Variants in TSPAN5 observed in about 807,000 individuals in gnomAD.
The protein encoded by TSPAN5 is tetraspanin 5.
A neutral mutation model predicts 37.1 loss-of-function variants in TSPAN5; 10 were observed. That is an observed-to-expected ratio of 0.27 (90% CI 0.17 to 0.46). The LOEUF is 0.46. TSPAN5 is among the 20% of genes least tolerant of loss of function. The probability of loss-of-function intolerance (pLI) is 1.00; values close to 1 mark genes in which losing one functional copy is unlikely to be tolerated. For synonymous variants in TSPAN5, 110 were observed against 118.9 expected (o/e 0.93, Z 0.48); for missense variants, 195 against 326.6 (o/e 0.60, Z 3.11).
At chr4:98,556,049 A>G (rs191972402) in intron 1 of TSPAN5, among the ~76,000 whole-genome samples, 4 of 41,102 alleles carry the variant, frequency 9.7e-5, no homozygotes, top group African/African-American at 3.2e-4. Context: ...CCCCACACAC[A>G]CACACACACA....
intron 1 of TSPAN5, among the ~76,000 whole-genome samples, chr4:98,603,995 C>T (rs546177108): frequency 6.1e-4 from 93 of 152,198 alleles, no homozygotes; most frequent in African/African-American, 1.9e-3. Flanking sequence ...TCATTTTGAA[C>T]GACCGCTCTA....
intron 1 of TSPAN5, among the ~76,000 whole-genome samples, chr4:98,638,378 G>A (rs992365000): frequency 6.6e-6 from 1 of 152,154 alleles, no homozygotes; most frequent in African/African-American, 2.4e-5. Context: ...TAAGGGAGCT[G>A]AGATGCTCTG....
chr4:98,624,839 A>G (rs1293718644), intron 1 of TSPAN5, among the ~76,000 whole-genome samples: 1 of 152,234 alleles, frequency 6.6e-6, no homozygotes, highest in Admixed American at 6.5e-5. Context: ...TCAATGTTAC[A>G]TAAGTGATGG....
chr4:98,519,547 A>G (rs1753809070), intron 1 of TSPAN5, among the ~76,000 whole-genome samples: 1 of 152,154 alleles, frequency 6.6e-6, no homozygotes, highest in African/African-American at 2.4e-5. Context: ...AAATGAATGG[A>G]TGAAGGGGAA....
At chr4:98,556,506 T>C (rs769198503) in intron 1 of TSPAN5, among the ~76,000 whole-genome samples, 10 of 152,302 alleles carry the variant, frequency 6.6e-5, no homozygotes, top group Non-Finnish European at 1.0e-4. Context: ...GGAGATTATT[T>C]CAACCCTAAG....
At chr4:98,501,233 C>G (rs1176759125) in intron 2 of TSPAN5, among the ~76,000 whole-genome samples, 1 of 152,146 alleles carries the variant, frequency 6.6e-6, no homozygotes, top group Non-Finnish European at 1.5e-5. Context: ...ATTCTCAAAT[C>G]AGACTTCAGA....
intron 2 of TSPAN5, among the ~76,000 whole-genome samples, chr4:98,491,710 G>A (rs1578943231): frequency 1.3e-5 from 2 of 151,034 alleles, no homozygotes; most frequent in South Asian, 2.1e-4. Flanking sequence ...AGGTGGGGGG[G>A]AACATAATCC....
At chr4:98,570,760 C>T (rs1755100134) in intron 1 of TSPAN5, among the ~76,000 whole-genome samples, 1 of 152,070 alleles carries the variant, frequency 6.6e-6, no homozygotes, top group Admixed American at 6.5e-5. Flanking sequence ...GACCTAAGCC[C>T]TTGACCAGGT....
intron 1 of TSPAN5, among the ~76,000 whole-genome samples, chr4:98,590,291 T>C (rs528243110): frequency 6.6e-6 from 1 of 152,208 alleles, no homozygotes; most frequent in East Asian, 1.9e-4. Context: ...TGAACTCAGG[T>C]TTACCAAGTG....
intron 1 of TSPAN5, among the ~76,000 whole-genome samples, chr4:98,541,395 C>G (rs1373596479): frequency 6.6e-6 from 1 of 152,140 alleles, no homozygotes; most frequent in Admixed American, 6.5e-5. Context: ...GTGGGATAGG[C>G]TGGGCATGGT....
At chr4:98,595,326 CTCTT>C (rs1276368206) in intron 1 of TSPAN5, among the ~76,000 whole-genome samples, 10 of 117,754 alleles carry the variant, frequency 8.5e-5, no homozygotes, top group Non-Finnish European at 1.5e-4. Flanking sequence ...TGATTCTTCT[CTCTT>C]TTTTTATTAG....
At chr4:98,533,559 T>TTTTTTTTTTTTG (rs1754152557) in intron 1 of TSPAN5, among the ~76,000 whole-genome samples, 1 of 121,126 alleles carries the variant, frequency 8.3e-6, no homozygotes, top group Admixed American at 8.6e-5. Flanking sequence ...TTTTTTTTTT[T>TTTTTTTTTTTTG]TTTTTTCTTG....
intron 1 of TSPAN5, among the ~76,000 whole-genome samples, chr4:98,581,517 C>G (rs1032663751): frequency 2.0e-5 from 3 of 152,194 alleles, no homozygotes; most frequent in Non-Finnish European, 4.4e-5. Flanking sequence ...TTATCTCAAT[C>G]TTGACGGCTA....
At chr4:98,626,420 T>A (rs924635856) in intron 1 of TSPAN5, among the ~76,000 whole-genome samples, 1 of 152,192 alleles carries the variant, frequency 6.6e-6, no homozygotes, top group Non-Finnish European at 1.5e-5. Context: ...AAGGCATAAG[T>A]CAGATCATGT....
chr4:98,524,568 G>A (rs1420037278), intron 1 of TSPAN5, among the ~76,000 whole-genome samples: 2 of 152,072 alleles, frequency 1.3e-5, no homozygotes, highest in Non-Finnish European at 2.9e-5. Flanking sequence ...GTCCATGTGA[G>A]CATGACTTTG....
chr4:98,587,275 C>T (rs1755512834), intron 1 of TSPAN5, among the ~76,000 whole-genome samples: 1 of 152,220 alleles, frequency 6.6e-6, no homozygotes, highest in Non-Finnish European at 1.5e-5. Flanking sequence ...GAAAGCCCAG[C>T]TTCCACACGC....
At chr4:98,477,204 C>A (rs1006358943) in intron 5 of TSPAN5, among the ~76,000 whole-genome samples, 1 of 152,244 alleles carries the variant, frequency 6.6e-6, no homozygotes, top group Non-Finnish European at 1.5e-5. Context: ...ACCCGCTGGC[C>A]AGTGCAAGGC....
In TSPAN5 at chr4:98,472,383, C is replaced by T; in HGVS notation, c.*139G>A. 2 of 616,102 alleles carry T rather than the reference C, an allele frequency of 3.2e-6. No homozygotes were observed. Among genetic ancestry groups the T allele is most frequent in the Non-Finnish European group, 2.8e-6 (1 of 360,638 alleles). 38.2% of individuals were successfully genotyped at this position (616,102 alleles called of 1,614,324 possible). A position where few individuals can be genotyped will look rare whatever the true frequency, so the allele number is the denominator to read the frequency against. On this transcript the variant is annotated 3_prime_UTR_variant, in exon 8 of 8. Transcript: ENST00000305798. The stretch of plus-strand genomic sequence containing the variant: ...AGCAGCATTTCCCAGTTTTACACTC[C>T]CCTAATGGCAGCTCCATTAGGCGAG...
intron 1 of TSPAN5, among the ~76,000 whole-genome samples, chr4:98,615,038 T>C (rs1225713917): frequency 1.3e-5 from 2 of 152,346 alleles, no homozygotes; most frequent in Admixed American, 6.5e-5. Flanking sequence ...ACAGTCACCG[T>C]AGCAGAAATT....
Sources: allele counts gnomAD v4.1 joint callset (sites outside exome capture counted in the v4.1 genomes callset), GRCh38; gene constraint gnomAD v4.1.1; transcripts MANE v1.5; gene names NCBI Gene and HGNC (gene_info 2026-07-23, HGNC 2026-07-21).